Variants in AGMO observed in about 807,000 individuals in gnomAD.
AGMO encodes the protein glyceryl-ether monooxygenase.
AGMO carries 75 observed loss-of-function variants against 60.2 expected under a neutral mutation model. That is an observed-to-expected ratio of 1.25 (90% confidence interval 1.03 to 1.51). The LOEUF (loss-of-function observed/expected upper bound fraction) is 1.51, where lower values mean the gene tolerates loss of function less well. Among genes scored for constraint, AGMO ranks in the 40% most tolerant of loss-of-function variants. The pLI, the probability that AGMO is intolerant of heterozygous loss-of-function variation, is 0.00. For missense variants in AGMO, 763 were observed against 525.5 expected, an observed-to-expected ratio of 1.45 and a Z score of -4.42; for synonymous variants, 261 against 177.1, an observed-to-expected ratio of 1.47 and a Z score of -3.76.
intron 4 of AGMO, among the ~76,000 whole-genome samples, chr7:15,426,382 T>C (rs571952208): frequency 1.3e-5 from 2 of 152,164 alleles, no homozygotes; most frequent in Non-Finnish European, 2.9e-5. Flanking sequence ...ATAACAATAA[T>C]GAAAAGCGTT....
intron 12 of AGMO, among the ~76,000 whole-genome samples, chr7:15,243,140 T>C: frequency 6.6e-6 from 1 of 152,098 alleles, no homozygotes; most frequent in Non-Finnish European, 1.5e-5. Flanking sequence ...GACTTATTAA[T>C]ATACATAGGT....
intron 12 of AGMO, among the ~76,000 whole-genome samples, chr7:15,274,610 C>T (rs1783723799): frequency 1.3e-5 from 2 of 150,708 alleles, no homozygotes; most frequent in South Asian, 4.2e-4. Flanking sequence ...AAGAAAGAAT[C>T]TCTCCTTTAT....
At chr7:15,459,609 G>C (rs1329081123) in intron 3 of AGMO, among the ~76,000 whole-genome samples, 2 of 151,482 alleles carry the variant, frequency 1.3e-5, no homozygotes, top group Non-Finnish European at 3.0e-5. Context: ...TTGTGTGTGT[G>C]TGTGTGTGTG....
chr7:15,125,546 T>C, the AGMO span, among the ~76,000 whole-genome samples: 1 of 152,144 alleles, frequency 6.6e-6, no homozygotes, highest in Non-Finnish European at 1.5e-5. Context: ...ACTCTCTTCC[T>C]GTGGCAATCC....
intron 5 of AGMO, among the ~76,000 whole-genome samples, chr7:15,399,950 C>T (rs1784510942): frequency 6.6e-6 from 1 of 152,170 alleles, no homozygotes; most frequent in African/African-American, 2.4e-5. Flanking sequence ...GCTTTATCTT[C>T]GAGACCAATT....
chr7:15,236,245 T>C (rs577629304), intron 12 of AGMO, among the ~76,000 whole-genome samples: 329 of 152,262 alleles, frequency 2.2e-3, no homozygotes, highest in Non-Finnish European at 3.5e-3. Context: ...AATAATACTC[T>C]GTCTAGAAAT....
chr7:15,197,033 T>A (rs992954667), downstream of AGMO, among the ~76,000 whole-genome samples: 1 of 151,054 alleles, frequency 6.6e-6, no homozygotes, highest in Admixed American at 6.6e-5. Context: ...GTTCTAATAA[T>A]GAATAGAACG....
chr7:15,335,156 TA>T (rs1441011275), intron 12 of AGMO, among the ~76,000 whole-genome samples: 2 of 152,158 alleles, frequency 1.3e-5, no homozygotes, highest in African/African-American at 4.8e-5. Flanking sequence ...TCGTGTAAAA[TA>T]AATCAGCTGA....
At chr7:15,237,122 A>AT (rs150773863) in intron 12 of AGMO, among the ~76,000 whole-genome samples, 3,368 of 152,162 alleles carry the variant, frequency 0.022, 119 homozygotes, top group African/African-American at 0.077. Flanking sequence ...CCTAAAGATT[A>AT]TTTTGCTGTG....
At chr7:15,233,911 G>T (rs1204585658) in intron 12 of AGMO, among the ~76,000 whole-genome samples, 1 of 152,098 alleles carries the variant, frequency 6.6e-6, no homozygotes, top group Non-Finnish European at 1.5e-5. Flanking sequence ...GCTGGGCGTG[G>T]TGGTGCGCCC....
chr7:15,204,989 T>G (rs2115469331), intron 12 of AGMO, among the ~76,000 whole-genome samples: 1 of 152,216 alleles, frequency 6.6e-6, no homozygotes, highest in Admixed American at 6.5e-5. Context: ...CTCACCCAGG[T>G]TTATGTCTGT....
chr7:15,354,169 AC>A (rs1221431329), intron 12 of AGMO, among the ~76,000 whole-genome samples: 7 of 151,274 alleles, frequency 4.6e-5, no homozygotes. Context: ...CAAATAAATC[AC>A]CCCAAATGGC....
chr7:15,521,554 A>C (rs1194610240), intron 3 of AGMO, among the ~76,000 whole-genome samples: 1 of 152,202 alleles, frequency 6.6e-6, no homozygotes, highest in Non-Finnish European at 1.5e-5. Context: ...TAAGCAAATC[A>C]ATAAATGTAA....
chr7:15,261,257 T>C (rs552972744), intron 12 of AGMO, among the ~76,000 whole-genome samples: 2 of 151,988 alleles, frequency 1.3e-5, no homozygotes, highest in Non-Finnish European at 2.9e-5. Context: ...GATAGACCGT[T>C]AGTGAGATTA....
intron 12 of AGMO, among the ~76,000 whole-genome samples, chr7:15,302,424 C>T (rs1780471636): frequency 6.6e-6 from 1 of 151,974 alleles, no homozygotes; most frequent in Non-Finnish European, 1.5e-5. Flanking sequence ...GTTGGTATGG[C>T]AATAAAAGGT....
intron 12 of AGMO, among the ~76,000 whole-genome samples, chr7:15,341,724 A>G (rs1781854082): frequency 6.6e-6 from 1 of 152,110 alleles, no homozygotes; most frequent in African/African-American, 2.4e-5. Context: ...GGTAATTTAT[A>G]AAGGAACAAG....
At chr7:15,287,162 G>A (rs1021652454) in intron 12 of AGMO, among the ~76,000 whole-genome samples, 50 of 152,046 alleles carry the variant, frequency 3.3e-4, no homozygotes, top group African/African-American at 1.2e-3. Context: ...AAAATCTTAG[G>A]TTTTACCACT....
chr7:15,229,971 T>C (rs2128499173), intron 12 of AGMO, among the ~76,000 whole-genome samples: 2 of 151,808 alleles, frequency 1.3e-5, no homozygotes, highest in South Asian at 4.1e-4. Flanking sequence ...ATACAAGCCA[T>C]ATTTCTCATT....
rs1165399598 is a variant in AGMO at position 15,430,630 on chromosome 7, T to TA, written c.513+374dup. 6.9e-3 allele frequency among the ~76,000 whole-genome samples: 724 copies of TA among 104,744 alleles called. 1 individual carries two copies. Among genetic ancestry groups the TA allele is most frequent in the Non-Finnish European group, 9.6e-3 (451 of 47,128 alleles). The allele number at this position is 104,744 out of a possible 152,430, so 68.7% of individuals were successfully genotyped here. On this transcript the variant is annotated intron_variant, in intron 4 of 12. Coordinates refer to ENST00000342526, the MANE Select transcript of AGMO (RefSeq NM_001004320.2). ...AAAAAAAAAAACAACTGGTTTTTTT[T>TA]AAAAAAAAAAAAAAAACTGGTAAAA... is the stretch of plus-strand genomic sequence containing the variant.
Sources: allele counts gnomAD v4.1 joint callset (sites outside exome capture counted in the v4.1 genomes callset), GRCh38; gene constraint gnomAD v4.1.1; transcripts MANE v1.5; gene names NCBI Gene and HGNC (gene_info 2026-07-23, HGNC 2026-07-21).